The following DPP10 variants were observed in gnomAD, a reference collection of about 807,000 sequenced individuals.
The protein encoded by DPP10 is inactive dipeptidyl peptidase 10.
DPP10 carries 33 observed loss-of-function variants against 120.9 expected under a neutral mutation model. The observed-to-expected ratio is 0.27, with a 90% CI of 0.21 to 0.37. DPP10 has a LOEUF of 0.37. Among genes scored for constraint, DPP10 ranks in the 10% least tolerant of loss-of-function variants. The probability of loss-of-function intolerance (pLI) is 1.00; values close to 1 mark genes in which losing one functional copy is unlikely to be tolerated. For missense variants in DPP10, 816 were observed against 942.8 expected (o/e 0.87, Z 1.76); for synonymous variants, 337 against 326.1 (o/e 1.03, Z -0.36).
chr2:115,679,533 T>C (rs1389124981), intron 5 of DPP10, among the ~76,000 whole-genome samples: 4 of 152,166 alleles, frequency 2.6e-5, no homozygotes, highest in Non-Finnish European at 5.9e-5. Context: ...TCTTTGTAAA[T>C]TACCAAGTCT....
At chr2:114,945,240 A>G (rs1259302497) in intron 1 of DPP10, among the ~76,000 whole-genome samples, 1 of 152,220 alleles carries the variant, frequency 6.6e-6, no homozygotes, top group African/African-American at 2.4e-5. Flanking sequence ...GATACGTTGC[A>G]TTTTATTAAA....
intron 1 of DPP10, among the ~76,000 whole-genome samples, chr2:114,682,486 G>A (rs1639167875): frequency 1.3e-5 from 2 of 151,732 alleles, no homozygotes; most frequent in African/African-American, 4.8e-5. Flanking sequence ...CTAATGAACT[G>A]TAAAACATTT....
intron 13 of DPP10, among the ~76,000 whole-genome samples, chr2:115,776,054 A>G: frequency 6.6e-6 from 1 of 152,148 alleles, no homozygotes; most frequent in East Asian, 1.9e-4. Context: ...ATAATGGAGC[A>G]GTAGTAATAT....
chr2:114,541,299 GTT>G (rs1686933480), intron 1 of DPP10, among the ~76,000 whole-genome samples: 1 of 152,104 alleles, frequency 6.6e-6, no homozygotes, highest in African/African-American at 2.4e-5. Flanking sequence ...CCATCCAGTG[GTT>G]TGTATGAAAG....
At chr2:114,731,616 A>G (rs574369610) in intron 1 of DPP10, among the ~76,000 whole-genome samples, 12 of 152,266 alleles carry the variant, frequency 7.9e-5, no homozygotes, top group South Asian at 6.2e-4. Context: ...ACCTATGTCC[A>G]ATTTATTCCT....
Position 115,088,652 on chromosome 2 carries a change from C to T in DPP10, c.61-220587C>T, listed in dbSNP as rs545171263. Among the ~76,000 whole-genome samples the T allele has an allele frequency of 4.1e-5, 6 of 146,372 alleles. No homozygotes were observed. In the South Asian group the frequency reaches 1.3e-3, roughly 32 times the overall value. ...GTAGAGACAGGATCTCACTGTGTTG[C>T]CCAGGCTGGTCTCAAATTCCTGGCC... On this transcript the variant is annotated intron_variant, in intron 1 of 25. Transcript: ENST00000410059.
At chr2:114,642,312 T>G (rs1322718486) in intron 1 of DPP10, among the ~76,000 whole-genome samples, 1 of 151,870 alleles carries the variant, frequency 6.6e-6, no homozygotes, top group Non-Finnish European at 1.5e-5. Flanking sequence ...GAACTGAAGA[T>G]CAAAGAGGTT....
intron 1 of DPP10, among the ~76,000 whole-genome samples, chr2:115,056,883 T>C (rs761143348): frequency 3.9e-5 from 6 of 152,220 alleles, no homozygotes; most frequent in African/African-American, 7.2e-5. Context: ...CAAAATAATC[T>C]AAAACAGCTT....
intron 5 of DPP10, among the ~76,000 whole-genome samples, chr2:115,657,589 C>A (rs968971513): frequency 1.2e-4 from 18 of 151,706 alleles, no homozygotes; most frequent in African/African-American, 4.1e-4. Flanking sequence ...TTCTAATGCT[C>A]AACCACCATT....
chr2:115,257,982 A>C (rs1018261218), intron 1 of DPP10, among the ~76,000 whole-genome samples: 2 of 152,172 alleles, frequency 1.3e-5, no homozygotes, highest in African/African-American at 4.8e-5. Context: ...CTTGCAATTA[A>C]AATATATGTA....
intron 21 of DPP10, among the ~76,000 whole-genome samples, chr2:115,832,382 C>T (rs1234896718): frequency 3.3e-5 from 5 of 152,122 alleles, no homozygotes; most frequent in Admixed American, 3.3e-4. Context: ...CCCAGCTACT[C>T]AGGAGGCGGA....
At chr2:115,363,400 C>G (rs770119746) in intron 3 of DPP10, among the ~76,000 whole-genome samples, 1 of 152,190 alleles carries the variant, frequency 6.6e-6, no homozygotes. Flanking sequence ...ATTGCCTGCT[C>G]TCCTCAGACT....
chr2:115,235,127 T>TA (rs1288332792), intron 1 of DPP10, among the ~76,000 whole-genome samples: 2 of 152,204 alleles, frequency 1.3e-5, no homozygotes, highest in Non-Finnish European at 2.9e-5. Flanking sequence ...ACCTCTTAAA[T>TA]ATCCAAAGGG....
intron 1 of DPP10, among the ~76,000 whole-genome samples, chr2:114,763,709 A>G (rs1680473230): frequency 6.6e-6 from 1 of 152,210 alleles, no homozygotes; most frequent in Non-Finnish European, 1.5e-5. Context: ...TTTATAATGC[A>G]CATATCCCAG....
At chr2:115,672,056 G>A (rs2089918938) in intron 5 of DPP10, among the ~76,000 whole-genome samples, 1 of 152,156 alleles carries the variant, frequency 6.6e-6, no homozygotes, top group African/African-American at 2.4e-5. Flanking sequence ...ACTCAGTATT[G>A]ACAGCTGAGA....
intron 1 of DPP10, among the ~76,000 whole-genome samples, chr2:114,694,269 T>C (rs1263326285): frequency 2.6e-5 from 4 of 151,934 alleles, no homozygotes; most frequent in Admixed American, 6.6e-5. Context: ...TGGTAAGACC[T>C]TAAGGAATTT....
At chr2:115,801,470 A>G (rs147338883) in intron 19 of DPP10, among the ~76,000 whole-genome samples, 2,804 of 152,240 alleles carry the variant, frequency 0.018, 85 homozygotes, top group African/African-American at 0.061. Context: ...TTCCAACACT[A>G]TGTTGAATGG....
At chr2:114,568,186 C>A (rs533743105) in intron 1 of DPP10, among the ~76,000 whole-genome samples, 3 of 151,872 alleles carry the variant, frequency 2.0e-5, no homozygotes, top group African/African-American at 7.2e-5. Context: ...TTGATACACA[C>A]TATTTTATAT....
intron 1 of DPP10, among the ~76,000 whole-genome samples, chr2:114,702,826 C>A (rs1457477288): frequency 6.6e-6 from 1 of 152,114 alleles, no homozygotes; most frequent in African/African-American, 2.4e-5. Flanking sequence ...GACCAACCAG[C>A]TGAGTGGATG....
Sources: gnomAD v4.1 joint callset for allele counts (sites outside exome capture counted in the v4.1 genomes callset) on GRCh38, gnomAD v4.1.1 for gene constraint, MANE v1.5 for transcripts, NCBI Gene and HGNC (gene_info 2026-07-23, HGNC 2026-07-21) for gene names.